The following ZNF704 variants were observed in gnomAD, a reference collection of about 807,000 sequenced individuals.
ZNF704 encodes the protein zinc finger protein 704.
A neutral mutation model predicts 44.7 loss-of-function variants in ZNF704; 10 were observed. The ratio of observed to expected loss-of-function variants is 0.22; its 90% CI spans 0.14 to 0.38. The LOEUF (loss-of-function observed/expected upper bound fraction) is 0.38. Ranked by LOEUF, ZNF704 falls within the 10% of genes least tolerant of loss-of-function variation. The pLI, the probability that ZNF704 is intolerant of heterozygous loss-of-function variation, is 1.00. For synonymous variants in ZNF704, 211 were observed against 207.6 expected (o/e 1.02, Z -0.14); for missense variants, 390 against 545.5 (o/e 0.71, Z 2.84).
intron 2 of ZNF704, among the ~76,000 whole-genome samples, chr8:80,725,766 T>C (rs1806468810): frequency 6.6e-6 from 1 of 152,188 alleles, no homozygotes; most frequent in Non-Finnish European, 1.5e-5. Context: ...CTGTTAACAA[T>C]GCTTATATGA....
chr8:80,760,942 C>T (rs1009481686), intron 2 of ZNF704, among the ~76,000 whole-genome samples: 4 of 152,088 alleles, frequency 2.6e-5, no homozygotes, highest in African/African-American at 7.2e-5. Context: ...TTCACTATCA[C>T]GAGGACAGCA....
chr8:80,801,898 A>G (rs1807906540), intron 2 of ZNF704, among the ~76,000 whole-genome samples: 1 of 152,072 alleles, frequency 6.6e-6, no homozygotes, highest in South Asian at 2.1e-4. Flanking sequence ...GGTTTTTTGA[A>G]AAAACTAATA....
chr8:80,650,619 A>T (rs1817902481), intron 7 of ZNF704, among the ~76,000 whole-genome samples: 1 of 152,226 alleles, frequency 6.6e-6, no homozygotes, highest in Non-Finnish European at 1.5e-5. Flanking sequence ...TTAGACAAAA[A>T]AGAATAAAAA....
At chr8:80,681,067 G>T (rs1044040474) in intron 4 of ZNF704, among the ~76,000 whole-genome samples, 1 of 152,030 alleles carries the variant, frequency 6.6e-6, no homozygotes, top group African/African-American at 2.4e-5. Context: ...CTTTTATGTG[G>T]TGAAGTATCC....
chr8:80,742,675 G>A (rs1806780158), intron 2 of ZNF704, among the ~76,000 whole-genome samples: 2 of 152,098 alleles, frequency 1.3e-5, no homozygotes, highest in African/African-American at 4.8e-5. Flanking sequence ...TGCAGTCCAT[G>A]ACTAAGATCT....
rs377630535 is a variant in ZNF704, at chr8:80,758,070, T to G, written c.221+63304A>C. On this transcript the variant is annotated intron_variant, in intron 2 of 8. Coordinates refer to ENST00000327835, the MANE Select transcript of ZNF704 (RefSeq NM_001033723.3). The stretch of plus-strand genomic sequence containing the variant: ...GTCCAGACTTTGGCCTACTATGGTG[T>G]TGTATTATAGCTGTGCCTTTGGAGC... Among the ~76,000 whole-genome samples, 15 of 152,338 alleles carry G rather than the reference T, an allele frequency of 9.8e-5. 1 individual carries two copies. The highest frequency in any genetic ancestry group is 3.6e-4 in the African/African-American group (15 of 41,574).
chr8:80,655,190 G>T (rs1431463106), intron 7 of ZNF704, among the ~76,000 whole-genome samples: 1 of 151,866 alleles, frequency 6.6e-6, no homozygotes, highest in Non-Finnish European at 1.5e-5. Context: ...AGGGCCTGTT[G>T]TGGGGGGCGG....
At chr8:80,712,645 G>T (rs577270471) in intron 2 of ZNF704, among the ~76,000 whole-genome samples, 20 of 151,984 alleles carry the variant, frequency 1.3e-4, no homozygotes, top group African/African-American at 4.8e-4. Flanking sequence ...ATAGATTTCA[G>T]AAGATATTTT....
intron 2 of ZNF704, among the ~76,000 whole-genome samples, 188 bp from the exon 3 acceptor site, chr8:80,693,295 C>T (rs535893760): frequency 5.6e-4 from 85 of 152,308 alleles, no homozygotes; most frequent in Middle Eastern, 3.4e-3. Flanking sequence ...CAAAGTCATA[C>T]AGTATTAGGA....
intron 7 of ZNF704, among the ~76,000 whole-genome samples, chr8:80,653,420 C>A (rs1414447013): frequency 6.6e-6 from 1 of 152,062 alleles, no homozygotes; most frequent in Non-Finnish European, 1.5e-5. Flanking sequence ...CTAGAAAACC[C>A]CATAGTCTCA....
intron 4 of ZNF704, among the ~76,000 whole-genome samples, chr8:80,685,996 G>A (rs539025849): frequency 2.0e-5 from 3 of 152,316 alleles, no homozygotes; most frequent in South Asian, 4.1e-4. Context: ...TATAACAACA[G>A]TTTTACATTT....
At chr8:80,693,624 G>T (rs1818677667) in intron 2 of ZNF704, among the ~76,000 whole-genome samples, 1 of 152,178 alleles carries the variant, frequency 6.6e-6, no homozygotes, top group South Asian at 2.1e-4. Context: ...AACTGTGAAG[G>T]TCAGGGAGAG....
At chr8:80,713,453 C>T (rs541427113) in intron 2 of ZNF704, among the ~76,000 whole-genome samples, 3 of 152,274 alleles carry the variant, frequency 2.0e-5, no homozygotes, top group African/African-American at 7.2e-5. Flanking sequence ...CTGGTCATTC[C>T]ACTAAGTTGG....
chr8:80,877,465 T>C (rs1300600899), upstream of ZNF704, among the ~76,000 whole-genome samples: 1 of 152,234 alleles, frequency 6.6e-6, no homozygotes, highest in Non-Finnish European at 1.5e-5. Flanking sequence ...ATGCATGACA[T>C]GGGCTCAGAA....
chr8:80,798,000 C>T lies in ZNF704; in HGVS notation c.221+23374G>A, dbSNP rs139525557. On this transcript the variant is annotated intron_variant, in intron 2 of 8. Coordinates refer to ENST00000327835, the MANE Select transcript of ZNF704 (RefSeq NM_001033723.3). ...GCCATGCAGCAGCCTGAATGTTTTA[C>T]TGCTTCAACATTTCTTCTGCCAGAT... Among the ~76,000 whole-genome samples the T allele has an allele frequency of 1.4e-4, 22 of 152,284 alleles. No individual in the cohort carries two copies. The East Asian group carries it at 4.2e-3, about 29-fold the overall frequency.
intron 2 of ZNF704, among the ~76,000 whole-genome samples, chr8:80,748,694 T>G (rs112565388): frequency 6.6e-6 from 1 of 152,112 alleles, no homozygotes; most frequent in Admixed American, 6.5e-5. Flanking sequence ...AGGAAAAGAA[T>G]AGGAAAAAGT....
At chr8:80,675,800 G>A (rs746371236) in intron 4 of ZNF704, among the ~76,000 whole-genome samples, 3 of 152,118 alleles carry the variant, frequency 2.0e-5, no homozygotes, top group Non-Finnish European at 4.4e-5. Flanking sequence ...GAGATTGCAC[G>A]CAGGACACTG....
At chr8:80,657,602 G>A (rs1347076006) in intron 7 of ZNF704, among the ~76,000 whole-genome samples, 15 of 151,646 alleles carry the variant, frequency 9.9e-5, no homozygotes, top group African/African-American at 3.4e-4. Flanking sequence ...CTGAAGTGGG[G>A]AAGATGAGCC....
intron 2 of ZNF704, among the ~76,000 whole-genome samples, chr8:80,799,471 T>A (rs993788654): frequency 6.6e-6 from 1 of 152,064 alleles, no homozygotes; most frequent in Admixed American, 6.6e-5. Flanking sequence ...CTGATACAAG[T>A]GCCCAAAATA....
Sources: allele counts gnomAD v4.1 joint callset (sites outside exome capture counted in the v4.1 genomes callset), GRCh38; gene constraint gnomAD v4.1.1; transcripts MANE v1.5; gene names NCBI Gene and HGNC (gene_info 2026-07-23, HGNC 2026-07-21).